The following PHLDB2 variants were observed in gnomAD, a reference collection of about 807,000 sequenced individuals.
The protein encoded by PHLDB2 is pleckstrin homology-like domain family B member 2.
Under a neutral mutation model 123.6 loss-of-function variants are expected in PHLDB2, and 71 were observed. The ratio of observed to expected loss-of-function variants is 0.57; its 90% CI spans 0.47 to 0.70. PHLDB2 has a LOEUF of 0.70. PHLDB2 is among the 30% of genes least tolerant of loss of function. The probability of loss-of-function intolerance (pLI) is 0.00; values close to 1 mark genes in which losing one functional copy is unlikely to be tolerated. For synonymous variants in PHLDB2, 547 were observed against 541.6 expected (o/e 1.01, Z -0.14); for missense variants, 1,446 against 1,519.5 (o/e 0.95, Z 0.80).
At chr3:111,894,302 G>T (rs1026526847) in intron 2 of PHLDB2, among the ~76,000 whole-genome samples, 3 of 151,856 alleles carry the variant, frequency 2.0e-5, no homozygotes, top group African/African-American at 7.3e-5. Context: ...TCTTAATCCA[G>T]TCTATCATTG....
At chr3:111,747,620 C>G (rs2059701147) in intron 1 of PHLDB2, among the ~76,000 whole-genome samples, 1 of 152,082 alleles carries the variant, frequency 6.6e-6, no homozygotes, top group East Asian at 1.9e-4. Context: ...CACCCCCAAT[C>G]CCCAGTAGCC....
intron 1 of PHLDB2, 194 bp downstream of exon 1, chr3:111,859,770 A>C (rs1175688218): frequency 7.3e-5 from 72 of 982,930 alleles, no homozygotes; most frequent in Admixed American, 2.5e-4. Flanking sequence ...ACCGCGAGTC[A>C]GGAGGGGCCG....
chr3:111,824,083 CAG>C (rs1423214492), intron 1 of PHLDB2, among the ~76,000 whole-genome samples: 2 of 152,198 alleles, frequency 1.3e-5, no homozygotes, highest in African/African-American at 4.8e-5. Context: ...TCTCTGTCTG[CAG>C]ATAACTTGAA....
intron 1 of PHLDB2, among the ~76,000 whole-genome samples, chr3:111,811,119 C>T (rs957137013): frequency 3.3e-5 from 5 of 152,184 alleles, no homozygotes; most frequent in African/African-American, 9.7e-5. Context: ...CATCCTGAGT[C>T]ATCAGGATAT....
At position 111,884,810 on chromosome 3, in the gene PHLDB2, A is replaced by G; in HGVS notation, c.733A>G (p.Ser245Gly). Residue 245 changes from serine to glycine, a missense_variant, in exon 2 of 18, where the codon AGC (serine) becomes GGC (glycine). Coordinates refer to ENST00000431670, the MANE Select transcript of PHLDB2 (RefSeq NM_001134438.2). ...GAGAACTAGGAAGTACTCCAGCAGC[A>G]GCCTGAGTCACATGGGAGCCTACAG... ...NLRTRKYSSS[S>G]LSHMGAYSRS... is the part of the protein sequence containing the mutation. 6.2e-7 allele frequency: 1 copy of G among 1,614,150 alleles called. No homozygotes were observed. Among genetic ancestry groups the G allele is most frequent in the Non-Finnish European group, 8.5e-7 (1 of 1,180,010 alleles).
intron 1 of PHLDB2, among the ~76,000 whole-genome samples, chr3:111,762,147 A>C (rs1367079127): frequency 6.6e-6 from 1 of 152,178 alleles, no homozygotes; most frequent in Non-Finnish European, 1.5e-5. Context: ...TAGATTTGAG[A>C]TCCAAGTCTA....
intron 1 of PHLDB2, among the ~76,000 whole-genome samples, chr3:111,790,700 A>G (rs2060883164): frequency 6.6e-6 from 1 of 152,226 alleles, no homozygotes; most frequent in African/African-American, 2.4e-5. Context: ...AAAATGACAT[A>G]AAATGAAGAC....
At chr3:111,810,302 C>T (rs919774967) in intron 1 of PHLDB2, among the ~76,000 whole-genome samples, 2 of 152,180 alleles carry the variant, frequency 1.3e-5, no homozygotes, top group Admixed American at 6.5e-5. Context: ...ACTAGGCCTA[C>T]TCTGCATGAC....
chr3:111,873,901 G>GA (rs1435416622), intron 1 of PHLDB2, among the ~76,000 whole-genome samples: 10 of 152,070 alleles, frequency 6.6e-5, no homozygotes, highest in Non-Finnish European at 1.2e-4. Flanking sequence ...GGTGGAGACA[G>GA]AAAAAGATTT....
At chr3:111,954,364 A>G (rs1182402294) in intron 12 of PHLDB2, among the ~76,000 whole-genome samples, 1 of 152,168 alleles carries the variant, frequency 6.6e-6, no homozygotes, top group Non-Finnish European at 1.5e-5. Flanking sequence ...CTTAACCAAG[A>G]TCACTCACCT....
chr3:111,840,830 G>A (rs745417683), intron 1 of PHLDB2, among the ~76,000 whole-genome samples: 5 of 152,156 alleles, frequency 3.3e-5, no homozygotes, highest in Admixed American at 6.5e-5. Context: ...GTAAGCTCAC[G>A]TAAACACTGG....
intron 12 of PHLDB2, 23 bp downstream of exon 12, chr3:111,954,052 G>A (rs2107641303): frequency 1.3e-6 from 2 of 1,594,952 alleles, no homozygotes; most frequent in Non-Finnish European, 1.7e-6. Context: ...TAAATCAAGT[G>A]TCATGGCCTT....
intron 3 of PHLDB2, among the ~76,000 whole-genome samples, chr3:111,918,730 G>A (rs574507853): frequency 1.3e-5 from 2 of 152,294 alleles, no homozygotes; most frequent in East Asian, 3.9e-4. Flanking sequence ...CTAGTTCTCT[G>A]TTATGCTGAA....
At chr3:111,970,866 C>G (rs2072128882) in intron 16 of PHLDB2, among the ~76,000 whole-genome samples, 1 of 152,124 alleles carries the variant, frequency 6.6e-6, no homozygotes, top group African/African-American at 2.4e-5. Context: ...ACAGTCTAGT[C>G]ATTTAATCAA....
chr3:111,925,009 A>G (rs1428082410), intron 5 of PHLDB2, among the ~76,000 whole-genome samples: 1 of 151,650 alleles, frequency 6.6e-6, no homozygotes, highest in Non-Finnish European at 1.5e-5. Context: ...TTACATTTTT[A>G]ATAGAGACGG....
chr3:111,867,052 G>A (rs1477061821), intron 1 of PHLDB2, among the ~76,000 whole-genome samples: 4 of 150,944 alleles, frequency 2.6e-5, no homozygotes, highest in African/African-American at 4.9e-5. Flanking sequence ...ATTTGGGCAC[G>A]CAGTGGTGAC....
chr3:111,973,237 C>T (rs962031618), intron 16 of PHLDB2, among the ~76,000 whole-genome samples: 11 of 109,960 alleles, frequency 1.0e-4, no homozygotes, highest in South Asian at 3.4e-4. Context: ...CTGTTGAAAA[C>T]GGGGGAAAAA....
intron 2 of PHLDB2, among the ~76,000 whole-genome samples, chr3:111,896,350 C>CG (rs1441607302): frequency 2.7e-5 from 2 of 73,590 alleles, no homozygotes; most frequent in African/African-American, 8.7e-5. Context: ...ATTCTTTTTT[C>CG]TTCCCCCGCC....
intron 5 of PHLDB2, 123 bp from the exon 6 acceptor site, chr3:111,932,146 A>T: frequency 9.4e-7 from 1 of 1,060,954 alleles, no homozygotes; most frequent in Non-Finnish European, 1.3e-6. Flanking sequence ...ATACGTTTCT[A>T]CATTCATAGA....
Sources: allele counts gnomAD v4.1 joint callset (sites outside exome capture counted in the v4.1 genomes callset), GRCh38; gene constraint gnomAD v4.1.1; transcripts MANE v1.5; gene names NCBI Gene and HGNC (gene_info 2026-07-23, HGNC 2026-07-21).